The following SLC38A9 variants were observed in gnomAD, a reference collection of about 807,000 sequenced individuals.
SLC38A9 encodes solute carrier family 38 member 9.
A neutral mutation model predicts 62.3 loss-of-function variants in SLC38A9; 48 were observed. The ratio of observed to expected loss-of-function variants is 0.77; its 90% CI spans 0.61 to 0.98. SLC38A9 has a LOEUF of 0.98. Ranked by LOEUF, SLC38A9 falls within the 50% of genes least tolerant of loss-of-function variation. SLC38A9 has a pLI of 0.00. For missense variants in SLC38A9, 541 were observed against 679.8 expected, an observed-to-expected ratio of 0.80 and a Z score of 2.27; for synonymous variants, 204 against 227.7, an observed-to-expected ratio of 0.90 and a Z score of 0.94.
rs760731322 is a variant in SLC38A9, at chr5:55,669,758, A to C, written c.368T>G (p.Ile123Ser). 3 of 1,612,016 alleles carry C rather than the reference A, an allele frequency of 1.9e-6. No individual in the cohort carries two copies. The highest frequency in any genetic ancestry group is 2.5e-6 in the Non-Finnish European group (3 of 1,179,478). Residue 123 changes from isoleucine (I) to serine (S), a missense_variant and splice_region_variant, in exon 5 of 16, where the codon ATT becomes AGT. Coordinates refer to ENST00000396865, the MANE Select transcript of SLC38A9 (RefSeq NM_173514.4). ...GYGKNTSLVT[I>S]FMIWNTMMGT... Reference sequence around the variant, plus strand: ...TGCTCCAAAAAGCAGTTTCACTCACATGGTTACTAAACTGGTGTTTTTACC... The same window carrying C: ...TGCTCCAAAAAGCAGTTTCACTCACCTGGTTACTAAACTGGTGTTTTTACC...
chr5:55,711,104 C>T (rs949965011), intron 2 of SLC38A9, among the ~76,000 whole-genome samples: 8 of 151,440 alleles, frequency 5.3e-5, no homozygotes, highest in African/African-American at 1.7e-4. Context: ...ACCAGCCTGG[C>T]CAACATGGTG....
intron 12 of SLC38A9, among the ~76,000 whole-genome samples, chr5:55,642,068 G>A (rs973726200): frequency 5.3e-5 from 8 of 151,946 alleles, no homozygotes; most frequent in Non-Finnish European, 8.8e-5. Context: ...TTTTTGAGAC[G>A]GAGTCTCACT....
rs1743953671 is a variant in SLC38A9 at position 55,634,016 on chromosome 5, G to A, written c.1282-114C>T. 17 of 717,882 alleles carry A rather than the reference G, an allele frequency of 2.4e-5. No homozygotes were observed. In the South Asian group the frequency reaches 3.8e-4, roughly 16 times the overall value. The allele number at this position is 717,882 out of a possible 1,614,324, so 44.5% of individuals were successfully genotyped here. ...ACAGGTGCTACTCCGATTGTGGTTTGTGGACTAGTGCCCATCCACAACTAC... is the reference window on the plus strand; with the variant it reads ...ACAGGTGCTACTCCGATTGTGGTTTATGGACTAGTGCCCATCCACAACTAC... On this transcript the variant is annotated intron_variant, in intron 13 of 15. Transcript: ENST00000396865.
chr5:55,629,265 G>A (rs115681353), intron 14 of SLC38A9, among the ~76,000 whole-genome samples: 3,366 of 152,104 alleles, frequency 0.022, 43 homozygotes, highest in Non-Finnish European at 0.031. Context: ...AGGCTGCAGT[G>A]CAGTGGGGCA....
intron 3 of SLC38A9, among the ~76,000 whole-genome samples, chr5:55,682,049 G>A (rs1369458921): frequency 2.1e-5 from 2 of 94,216 alleles, no homozygotes; most frequent in Non-Finnish European, 5.3e-5. Flanking sequence ...ACTCAGATGT[G>A]GAAAAGAGTC....
intron 10 of SLC38A9, among the ~76,000 whole-genome samples, chr5:55,651,889 T>C (rs1747542817): frequency 1.3e-5 from 2 of 151,890 alleles, no homozygotes; most frequent in South Asian, 2.1e-4. Context: ...TTTCGTCTAG[T>C]TGTATCCTCA....
intron 3 of SLC38A9, among the ~76,000 whole-genome samples, chr5:55,694,384 A>T (rs1050572962): frequency 1.3e-5 from 2 of 152,138 alleles, no homozygotes; most frequent in African/African-American, 4.8e-5. Flanking sequence ...TTCTGGTAAG[A>T]TCAGGAAAGT....
At chr5:55,682,116 C>T (rs1190920432) in intron 3 of SLC38A9, among the ~76,000 whole-genome samples, 3 of 152,104 alleles carry the variant, frequency 2.0e-5, no homozygotes, top group African/African-American at 7.2e-5. Context: ...CCTACATGCC[C>T]TTAACAGATC....
intron 3 of SLC38A9, among the ~76,000 whole-genome samples, chr5:55,676,021 G>A (rs73115607): frequency 0.028 from 4,304 of 152,228 alleles, 78 homozygotes; most frequent in South Asian, 0.043. Context: ...ATTATAAAGC[G>A]TAGGGAAATT....
intron 3 of SLC38A9, chr5:55,673,341 A>G (rs1751623107): frequency 1.3e-5 from 2 of 152,202 alleles, no homozygotes; most frequent in Non-Finnish European, 2.9e-5. Flanking sequence ...CCACGTCTGC[A>G]TCCTAATCAA....
rs373699279 is a variant in SLC38A9, at chr5:55,644,314, T to C, written c.1167+1475A>G. Among the ~76,000 whole-genome samples the C allele has an allele frequency of 9.2e-5, 14 of 152,296 alleles. No individual in the cohort carries two copies. In the East Asian group the frequency reaches 2.7e-3, roughly 29 times the overall value. On this transcript the variant is annotated intron_variant, in intron 12 of 15. Coordinates refer to ENST00000396865, the MANE Select transcript of SLC38A9 (RefSeq NM_173514.4). The stretch of plus-strand genomic sequence containing the variant: ...TTAATGTAATTATCAATACAATGGG[T>C]TTAAATCTACTATGTTGCTATTTGT...
chr5:55,660,062 G>A (rs979616014), intron 8 of SLC38A9, among the ~76,000 whole-genome samples: 5 of 148,746 alleles, frequency 3.4e-5, no homozygotes, highest in African/African-American at 1.2e-4. Context: ...CACCACGCCC[G>A]GCTACAAAAT....
At chr5:55,645,683 T>C (rs1746212730) in intron 12 of SLC38A9, 106 bp downstream of exon 12, 3 of 768,686 alleles carry the variant, frequency 3.9e-6, no homozygotes, top group Non-Finnish European at 6.4e-6. Context: ...TAAGATCTTG[T>C]AACAAAATTG....
At chr5:55,653,056 TC>T (rs978579362) in intron 9 of SLC38A9, among the ~76,000 whole-genome samples, 8 of 152,124 alleles carry the variant, frequency 5.3e-5, no homozygotes, top group African/African-American at 1.9e-4. Context: ...AACCTCCGCC[TC>T]CTGGATTCAA....
chr5:55,626,710 T>A (rs770628127), intron 15 of SLC38A9, 51 bp from the exon 16 acceptor site: 1 of 1,506,712 alleles, frequency 6.6e-7, no homozygotes, highest in African/African-American at 1.4e-5. Context: ...CTTTGCTTTT[T>A]ACAATTAAGG....
At chr5:55,631,500 A>G (rs976526096) in intron 14 of SLC38A9, among the ~76,000 whole-genome samples, 1 of 152,218 alleles carries the variant, frequency 6.6e-6, no homozygotes, top group Non-Finnish European at 1.5e-5. Context: ...ACTTCACTGT[A>G]TTTATTTTCT....
At chr5:55,703,479 C>A (rs1756917766) in intron 2 of SLC38A9, among the ~76,000 whole-genome samples, 1 of 152,084 alleles carries the variant, frequency 6.6e-6, no homozygotes, top group Non-Finnish European at 1.5e-5. Context: ...AAATCTATAG[C>A]ATAAAAATGT....
At chr5:55,710,067 C>CAAAAAAA (rs1174162436) in intron 2 of SLC38A9, among the ~76,000 whole-genome samples, 4 of 20,850 alleles carry the variant, frequency 1.9e-4, no homozygotes, top group African/African-American at 5.0e-4. Context: ...GACTCCATCT[C>CAAAAAAA]AAAAAAAAAA....
chr5:55,688,692 C>A (rs1430055221), intron 3 of SLC38A9, among the ~76,000 whole-genome samples: 1 of 110,352 alleles, frequency 9.1e-6, no homozygotes, highest in Admixed American at 8.9e-5. Context: ...AGGGCATGAC[C>A]TCTTTAAGCA....
Sources: gnomAD v4.1 joint callset for allele counts (sites outside exome capture counted in the v4.1 genomes callset) on GRCh38, gnomAD v4.1.1 for gene constraint, MANE v1.5 for transcripts, NCBI Gene and HGNC (gene_info 2026-07-23, HGNC 2026-07-21) for gene names.